SOHLH2: variants seen among roughly 807,000 people sequenced by gnomAD.
The protein encoded by SOHLH2 is spermatogenesis- and oogenesis-specific basic helix-loop-helix-containing protein 2.
In SOHLH2, 22 loss-of-function variants were observed where a neutral mutation model predicts 50.4. The observed-to-expected ratio is 0.44, with a 90% CI of 0.31 to 0.62. The LOEUF (loss-of-function observed/expected upper bound fraction) is 0.62, where lower values mean the gene tolerates loss of function less well. SOHLH2 is among the 20% of genes least tolerant of loss of function. The pLI is 0.08. For missense variants in SOHLH2, 412 were observed against 504.4 expected (o/e 0.82, Z 1.76); for synonymous variants, 185 against 187.3 (o/e 0.99, Z 0.10).
intron 1 of SOHLH2, among the ~76,000 whole-genome samples, chr13:36,203,370 G>A (rs563078411): frequency 8.5e-5 from 13 of 152,192 alleles, no homozygotes; most frequent in African/African-American, 1.2e-4. Context: ...ATAAAAATAC[G>A]TTTTCTATTA....
rs774748419 is a variant in SOHLH2 at position 36,174,707 on chromosome 13, T to C, written c.789+15A>G. ...GTCTATAAGGATAAAATTCAAAGCTTTGGGAGTCAAATACCTGGGCCATAA... is the reference window on the plus strand; with the variant it reads ...GTCTATAAGGATAAAATTCAAAGCTCTGGGAGTCAAATACCTGGGCCATAA... On this transcript the variant is annotated intron_variant, in intron 7 of 10. Transcript: ENST00000379881. 7.5e-6 allele frequency: 12 copies of C among 1,594,274 alleles called. No homozygotes were observed. The highest frequency in any genetic ancestry group is 1.4e-5 in the African/African-American group (1 of 73,688).
At chr13:36,200,777 A>ATCCCTAGCC (rs1351839998) in intron 2 of SOHLH2, among the ~76,000 whole-genome samples, 6 of 152,086 alleles carry the variant, frequency 3.9e-5, no homozygotes, top group African/African-American at 1.4e-4. Context: ...TTGGCTAGGC[A>ATCCCTAGCC]TGGTGGCTCA....
intron 6 of SOHLH2, among the ~76,000 whole-genome samples, chr13:36,179,404 T>C (rs1887185768): frequency 6.6e-6 from 1 of 152,124 alleles, no homozygotes. Flanking sequence ...ATGTGGTGAA[T>C]TTCATTGGTT....
chr13:36,190,939 G>A (rs1887554097), intron 5 of SOHLH2, among the ~76,000 whole-genome samples: 1 of 152,146 alleles, frequency 6.6e-6, no homozygotes, highest in Non-Finnish European at 1.5e-5. Context: ...TCCCTTTCTT[G>A]TTCAAAACAG....
At chr13:36,200,794 T>C (rs561205710) in intron 2 of SOHLH2, among the ~76,000 whole-genome samples, 23 of 152,052 alleles carry the variant, frequency 1.5e-4, no homozygotes, top group Admixed American at 2.6e-4. Flanking sequence ...CTCACCCCTG[T>C]AATCCCAGCA....
chr13:36,197,573 G>T (rs552468636), intron 2 of SOHLH2, among the ~76,000 whole-genome samples: 2 of 152,230 alleles, frequency 1.3e-5, no homozygotes, highest in African/African-American at 4.8e-5. Context: ...GAGCCATAAG[G>T]ATTTCCAGGG....
At chr13:36,178,049 T>C (rs371541509) in intron 6 of SOHLH2, among the ~76,000 whole-genome samples, 2 of 151,850 alleles carry the variant, frequency 1.3e-5, no homozygotes, top group South Asian at 2.1e-4. Context: ...CAGTAGTCAA[T>C]AGACGTGAGT....
intron 6 of SOHLH2, chr13:36,183,113 C>A: frequency 3.0e-6 from 1 of 334,674 alleles, no homozygotes; most frequent in Non-Finnish European, 6.5e-6. Flanking sequence ...CTATGTGACA[C>A]ATTGGCTCCA....
At chr13:36,180,857 G>T (rs1241656228) in intron 6 of SOHLH2, among the ~76,000 whole-genome samples, 1 of 151,898 alleles carries the variant, frequency 6.6e-6, no homozygotes, top group Non-Finnish European at 1.5e-5. Flanking sequence ...GCAGTTGTTG[G>T]GAGTGTTACT....
intron 2 of SOHLH2, among the ~76,000 whole-genome samples, chr13:36,195,162 A>G (rs1364391284): frequency 1.3e-5 from 2 of 152,164 alleles, no homozygotes; most frequent in African/African-American, 4.8e-5. Flanking sequence ...GCCAGGAAGG[A>G]AAACCAAAAG....
chr13:36,170,331 G>A (rs546989071), intron 10 of SOHLH2, among the ~76,000 whole-genome samples, 200 bp downstream of exon 10: 1 of 152,214 alleles, frequency 6.6e-6, no homozygotes, highest in Admixed American at 6.5e-5. Context: ...TCTGGATATC[G>A]AGACACCAGC....
intron 6 of SOHLH2, among the ~76,000 whole-genome samples, chr13:36,175,141 C>T (rs1887066497): frequency 6.6e-6 from 1 of 152,206 alleles, no homozygotes. Context: ...GCTCTCTCAC[C>T]TCAGGCCTGC....
At chr13:36,207,568 A>G (rs1343205600) in intron 1 of SOHLH2, among the ~76,000 whole-genome samples, 3 of 152,202 alleles carry the variant, frequency 2.0e-5, no homozygotes, top group Non-Finnish European at 2.9e-5. Context: ...ATTGTGAGAA[A>G]GAAAACCCTA....
At position 36,170,016 on chromosome 13, in the gene SOHLH2, G is replaced by A. The variant is rs12864434; in HGVS notation, c.1257+515C>T. Among the ~76,000 whole-genome samples the A allele has an allele frequency of 8.2e-3, 1,254 of 152,280 alleles. 12 individuals are homozygous for A. The highest frequency in any genetic ancestry group is 0.012 in the Admixed American group (188 of 15,302). On this transcript the variant is annotated intron_variant, in intron 10 of 10. Transcript: ENST00000379881. ...TTGTATACCACATTCTTAGTACAAT[G>A]ACAAACTCAATGTCAGAACATAATG...
At chr13:36,173,323 C>T (rs143940785) in intron 9 of SOHLH2, among the ~76,000 whole-genome samples, 4 of 152,298 alleles carry the variant, frequency 2.6e-5, no homozygotes, top group South Asian at 2.1e-4. Context: ...TGAGAGGTGA[C>T]ATGCAAGCAA....
At chr13:36,170,503 T>C in intron 10 of SOHLH2, 28 bp downstream of exon 10, 1 of 1,607,388 alleles carries the variant, frequency 6.2e-7, no homozygotes, top group Non-Finnish European at 8.5e-7. Context: ...AAGGGTCCAA[T>C]CTGATCCATG....
rs148713327 is a variant in SOHLH2 at position 36,186,120 on chromosome 13, T to G, written c.641+3826A>C. Among the ~76,000 whole-genome samples, 1,279 of 152,196 alleles carry G rather than the reference T, an allele frequency of 8.4e-3. 23 individuals carry two copies. The highest frequency in any genetic ancestry group is 0.03 in the African/African-American group (1,228 of 41,532). On this transcript the variant is annotated intron_variant, in intron 6 of 10. Transcript: ENST00000379881. Reference sequence around the variant, plus strand: ...GCAATAAACAAAAATTATCTACACCTTAAGACAAAGTGAAGTTTTGCATTT... The same window carrying G: ...GCAATAAACAAAAATTATCTACACCGTAAGACAAAGTGAAGTTTTGCATTT...
At chr13:36,184,459 C>CTTTTTTTT (rs764218457) in intron 6 of SOHLH2, among the ~76,000 whole-genome samples, 5 of 81,686 alleles carry the variant, frequency 6.1e-5, no homozygotes, top group African/African-American at 1.5e-4. Context: ...CCTACAAAGA[C>CTTTTTTTT]CTTTTTTTTT....
chr13:36,173,889 A>C, intron 8 of SOHLH2, 79 bp from the exon 9 acceptor site: 1 of 1,515,334 alleles, frequency 6.6e-7, no homozygotes, highest in Non-Finnish European at 9.0e-7. Context: ...TTGCCCTTTT[A>C]TCATTCAAGT....
Sources: gnomAD v4.1 joint callset for allele counts (sites outside exome capture counted in the v4.1 genomes callset) on GRCh38, gnomAD v4.1.1 for gene constraint, MANE v1.5 for transcripts, NCBI Gene and HGNC (gene_info 2026-07-23, HGNC 2026-07-21) for gene names.